Variants in NEGR1 observed in about 807,000 individuals in gnomAD.
The protein encoded by NEGR1 is neuronal growth regulator 1, also known as IgLON family member 4.
In NEGR1, 10 loss-of-function variants were observed where a neutral mutation model predicts 40.9. The observed-to-expected ratio is 0.24, with a 90% CI of 0.15 to 0.42. NEGR1 has a LOEUF of 0.42. NEGR1 is among the 10% of genes least tolerant of loss of function. The pLI is 1.00. For synonymous variants in NEGR1, 185 were observed against 166.8 expected, an observed-to-expected ratio of 1.11 and a Z score of -0.84; for missense variants, 352 against 438.9, an observed-to-expected ratio of 0.80 and a Z score of 1.77.
chr1:71,419,018 G>T (rs1393153788), intron 6 of NEGR1, among the ~76,000 whole-genome samples: 1 of 152,166 alleles, frequency 6.6e-6, no homozygotes. Context: ...CTGGTTGTGT[G>T]CAGGGCAAAC....
chr1:72,234,051 G>A (rs1035495087), intron 1 of NEGR1, among the ~76,000 whole-genome samples: 2 of 152,092 alleles, frequency 1.3e-5, no homozygotes, highest in East Asian at 3.9e-4. Flanking sequence ...TTGTGTCATG[G>A]GGGTTTGTTA....
chr1:71,473,718 G>A (rs534696216), intron 6 of NEGR1, among the ~76,000 whole-genome samples: 1 of 152,096 alleles, frequency 6.6e-6, no homozygotes, highest in African/African-American at 2.4e-5. Context: ...ACGGGGCATG[G>A]CTTTTTGGAG....
chr1:72,143,906 AT>A (rs963659608), intron 1 of NEGR1, among the ~76,000 whole-genome samples: 24 of 57,030 alleles, frequency 4.2e-4, no homozygotes, highest in East Asian at 4.2e-3. Flanking sequence ...TATATATATG[AT>A]ATATATAATA....
At chr1:71,621,554 A>G (rs1378958283) in intron 4 of NEGR1, among the ~76,000 whole-genome samples, 1 of 151,812 alleles carries the variant, frequency 6.6e-6, no homozygotes, top group East Asian at 1.9e-4. Context: ...ACAGAGTACT[A>G]AGCTGTGATC....
chr1:71,508,219 C>T (rs1647048703), intron 6 of NEGR1, among the ~76,000 whole-genome samples: 1 of 152,116 alleles, frequency 6.6e-6, no homozygotes, highest in African/African-American at 2.4e-5. Context: ...TCCACCCAAG[C>T]AGGGAAGGTC....
chr1:72,106,480 C>A (rs138345728), intron 1 of NEGR1, among the ~76,000 whole-genome samples: 1 of 151,924 alleles, frequency 6.6e-6, no homozygotes, highest in East Asian at 1.9e-4. Flanking sequence ...GCTTAAGTTA[C>A]TCATACTAAA....
chr1:71,488,212 CAGTTTTT>C (rs1482093902), intron 6 of NEGR1: 3 of 151,700 alleles, frequency 2.0e-5, no homozygotes, highest in Admixed American at 6.6e-5. Flanking sequence ...CAGTCTAAAG[CAGTTTTT>C]TTTTCCAGAG....
chr1:72,143,964 G>A (rs76865614), intron 1 of NEGR1, among the ~76,000 whole-genome samples: 32,282 of 142,460 alleles, frequency 0.23, 4,210 homozygotes, highest in South Asian at 0.3. Context: ...ATTTTCAACT[G>A]GGGAGAGATT....
intron 1 of NEGR1, among the ~76,000 whole-genome samples, chr1:72,022,173 G>C (rs543403329): frequency 4.0e-5 from 6 of 149,364 alleles, no homozygotes; most frequent in Non-Finnish European, 7.4e-5. Context: ...ATAAGAGAAA[G>C]ACTCTGTACT....
At chr1:72,166,495 G>A (rs572126318) in intron 1 of NEGR1, among the ~76,000 whole-genome samples, 10 of 152,148 alleles carry the variant, frequency 6.6e-5, no homozygotes, top group East Asian at 3.9e-4. Flanking sequence ...TCATTGCTGC[G>A]CTATTCACAA....
At chr1:72,104,930 G>A (rs530176310) in intron 1 of NEGR1, among the ~76,000 whole-genome samples, 1 of 152,068 alleles carries the variant, frequency 6.6e-6, no homozygotes, top group African/African-American at 2.4e-5. Context: ...GTCTGTTCAC[G>A]TGGCACTTTT....
intron 3 of NEGR1, among the ~76,000 whole-genome samples, chr1:71,726,804 A>G (rs144002923): frequency 1.3e-5 from 2 of 152,222 alleles, no homozygotes; most frequent in Non-Finnish European, 2.9e-5. Context: ...GACAAGACAG[A>G]GTAGAGTCAG....
Position 72,233,612 on chromosome 1 carries a change from G to C in NEGR1, c.176+48707C>G, listed in dbSNP as rs146604508. Among the ~76,000 whole-genome samples the C allele has an allele frequency of 2.7e-4, 41 of 152,152 alleles. No homozygotes were observed. In the East Asian group the frequency reaches 7.7e-3, roughly 29 times the overall value. On this transcript the variant is annotated intron_variant, in intron 1 of 6. Transcript: ENST00000357731. ...CCTCCAGCTGCAAGTATGTTGCTGC[G>C]AAGGACAAGATTTCATTCTTTTCAT...
At chr1:72,119,858 A>T (rs1649730834) in intron 1 of NEGR1, among the ~76,000 whole-genome samples, 1 of 151,936 alleles carries the variant, frequency 6.6e-6, no homozygotes, top group Non-Finnish European at 1.5e-5. Context: ...TCTCATAGGG[A>T]ATTTGTAGAC....
intron 6 of NEGR1, among the ~76,000 whole-genome samples, chr1:71,528,551 A>G (rs1647269657): frequency 6.6e-6 from 1 of 151,308 alleles, no homozygotes; most frequent in Non-Finnish European, 1.5e-5. Flanking sequence ...AATACAGTAA[A>G]CTAGCAAAGT....
chr1:72,001,505 T>C (rs1646557107), intron 1 of NEGR1, among the ~76,000 whole-genome samples: 2 of 151,760 alleles, frequency 1.3e-5, no homozygotes, highest in African/African-American at 4.8e-5. Flanking sequence ...AAATTTGACC[T>C]ATAATCATAA....
At chr1:71,542,316 C>A (rs996205138) in intron 6 of NEGR1, among the ~76,000 whole-genome samples, 5 of 151,684 alleles carry the variant, frequency 3.3e-5, no homozygotes, top group Non-Finnish European at 5.9e-5. Context: ...AGGCTGGTGA[C>A]AGACAACACC....
intron 4 of NEGR1, among the ~76,000 whole-genome samples, chr1:71,650,630 T>C (rs560238093): frequency 2.2e-4 from 34 of 152,308 alleles, no homozygotes; most frequent in Middle Eastern, 3.4e-3. Flanking sequence ...TTTTCTTTTC[T>C]TTTTTGGTCT....
chr1:72,225,667 G>A (rs1654169094), intron 1 of NEGR1, among the ~76,000 whole-genome samples: 1 of 151,218 alleles, frequency 6.6e-6, no homozygotes, highest in African/African-American at 2.4e-5. Flanking sequence ...TCATTAATGG[G>A]CATTTAGTAC....
Sources: allele counts gnomAD v4.1 joint callset (sites outside exome capture counted in the v4.1 genomes callset), GRCh38; gene constraint gnomAD v4.1.1; transcripts MANE v1.5; gene names NCBI Gene and HGNC (gene_info 2026-07-23, HGNC 2026-07-21).